SCOC: variants seen among roughly 807,000 people sequenced by gnomAD.
SCOC encodes the protein short coiled coil protein.
In SCOC, 7 loss-of-function variants were observed where a neutral mutation model predicts 9.9. The observed-to-expected ratio is 0.71, with a 90% confidence interval of 0.40 to 1.33. The LOEUF is 1.33. SCOC is among the 40% of genes most tolerant of loss of function. The pLI, the probability that SCOC is intolerant of heterozygous loss-of-function variation, is 0.01. For synonymous variants in SCOC, 19 were observed against 28.2 expected (o/e 0.67, Z 1.03); for missense variants, 66 against 89.7 (o/e 0.74, Z 1.07).
At chr4:140,376,568 T>C (rs986184895) in intron 1 of SCOC, 3 of 152,230 alleles carry the variant, frequency 2.0e-5, no homozygotes, top group Non-Finnish European at 2.9e-5. Context: ...GTGGCACTAC[T>C]TTTGTGCTCC....
intron 1 of SCOC, among the ~76,000 whole-genome samples, chr4:140,305,571 T>C (rs999011957): frequency 6.6e-6 from 1 of 152,194 alleles, no homozygotes; most frequent in South Asian, 2.1e-4. Flanking sequence ...TAAGCTCAGA[T>C]TGCACCTATA....
intron 1 of SCOC, chr4:140,314,594 A>C (rs1732256019): frequency 6.6e-6 from 1 of 152,156 alleles, no homozygotes; most frequent in African/African-American, 2.4e-5. Flanking sequence ...TTCTTTTGGG[A>C]TTCCAATGCT....
rs185781891 is a variant in SCOC at position 140,320,934 on chromosome 4, C to T, written c.-18-22687C>T. ...TCAGTTTCTGCTAAGACTGATGCTT[C>T]GTAAGAATATAAGAGGTCGCCCCTC... is the stretch of plus-strand genomic sequence containing the variant. On this transcript the variant is annotated intron_variant, in intron 1 of 4. Transcript: ENST00000394205. 4.5e-4 allele frequency among the ~76,000 whole-genome samples: 68 copies of T among 152,238 alleles called. No individual in the cohort carries two copies. In the East Asian group the frequency reaches 8.5e-3, roughly 19 times the overall value.
At chr4:140,374,498 C>T (rs1387094011) in intron 1 of SCOC, among the ~76,000 whole-genome samples, 1 of 152,164 alleles carries the variant, frequency 6.6e-6, no homozygotes. Flanking sequence ...AGTATAGCTT[C>T]CATTTAAATC....
At position 140,383,660 on chromosome 4, in the gene SCOC, T is replaced by C. The variant is rs1329393318; in HGVS notation, c.*2556T>C. On this transcript the variant is annotated 3_prime_UTR_variant, in exon 4 of 4. Coordinates refer to ENST00000608372, the MANE Select transcript of SCOC (RefSeq NM_001153484.2). ...TCCATGGCTACCTCAGAAGTAGAGA[T>C]TGGGTGTTCACTCCATGGGAATTGT... 2 of 152,172 alleles carry C rather than the reference T, an allele frequency of 1.3e-5. No individual in the cohort carries two copies. Among genetic ancestry groups the C allele is most frequent in the Non-Finnish European group, 2.9e-5 (2 of 68,038 alleles). The allele number at this position is 152,172 out of a possible 1,614,324, so 9.4% of individuals were successfully genotyped here.
chr4:140,366,420 T>C, intron 2 of SCOC: 3 of 1,358,794 alleles, frequency 2.2e-6, no homozygotes, highest in Non-Finnish European at 1.0e-6. Flanking sequence ...GCAGCAGCAG[T>C]AGCACGCTTC....
intron 1 of SCOC, among the ~76,000 whole-genome samples, chr4:140,337,216 T>C (rs1375495091): frequency 1.3e-5 from 2 of 152,206 alleles, no homozygotes; most frequent in African/African-American, 2.4e-5. Flanking sequence ...ATAATGTCTT[T>C]TGATGCACAA....
At chr4:140,375,668 A>G (rs1337891494) in intron 1 of SCOC, among the ~76,000 whole-genome samples, 4 of 152,230 alleles carry the variant, frequency 2.6e-5, no homozygotes, top group Non-Finnish European at 5.9e-5. Context: ...ATCTTGTCCC[A>G]ATGTTTGCCA....
chr4:140,347,478 C>T (rs564145407), intron 2 of SCOC, among the ~76,000 whole-genome samples: 4 of 152,280 alleles, frequency 2.6e-5, no homozygotes, highest in African/African-American at 4.8e-5. Context: ...TGCCACCGCA[C>T]GGCTCAGGTT....
intron 1 of SCOC, among the ~76,000 whole-genome samples, chr4:140,275,816 G>GTTTTTTTTT (rs199643449): frequency 7.5e-6 from 1 of 133,464 alleles, no homozygotes; most frequent in Non-Finnish European, 1.5e-5. Flanking sequence ...ACTCGCTCAG[G>GTTTTTTTTT]TTTGTTTTTT....
chr4:140,333,709 C>G (rs949420527), intron 1 of SCOC, among the ~76,000 whole-genome samples: 7 of 152,078 alleles, frequency 4.6e-5, no homozygotes, highest in African/African-American at 7.3e-5. Context: ...AGTGTTTACC[C>G]TGGAAGAACA....
upstream of SCOC, chr4:140,373,434 C>T: frequency 1.3e-6 from 2 of 1,522,280 alleles, no homozygotes; most frequent in Non-Finnish European, 1.8e-6. Context: ...CAGGTCCCGC[C>T]CACAGCGACC....
chr4:140,369,857 A>ATTTTTTTTT (rs540817613), upstream of SCOC, among the ~76,000 whole-genome samples: 1 of 31,376 alleles, frequency 3.2e-5, no homozygotes, highest in African/African-American at 8.9e-5. Context: ...CAGAAGGGGG[A>ATTTTTTTTT]TTTTTTTTTT....
At chr4:140,360,546 T>C (rs2126549748) in intron 2 of SCOC, 1 of 152,258 alleles carries the variant, frequency 6.6e-6, no homozygotes, top group African/African-American at 2.4e-5. Flanking sequence ...TGGGATGCGA[T>C]GAGGGGCAGA....
rs1213305922 is a variant in SCOC at position 140,363,709 on chromosome 4, A to AG, written c.71-15411dup. 2.0e-5 allele frequency among the ~76,000 whole-genome samples: 3 copies of AG among 152,342 alleles called. No homozygotes were observed. The East Asian group carries it at 5.8e-4, about 29-fold the overall frequency. On this transcript the variant is annotated intron_variant, in intron 2 of 4. Coordinates refer to the SCOC transcript ENST00000338517. The stretch of plus-strand genomic sequence containing the variant: ...TCCTGCTGCTATTGCTGTGAGCTTA[A>AG]GTGCTGTGAGTATCCACTTAAAATG...
intron 2 of SCOC, among the ~76,000 whole-genome samples, chr4:140,355,226 T>TATATATG (rs1553940416): frequency 1.9e-4 from 23 of 122,108 alleles, no homozygotes; most frequent in Admixed American, 1.2e-3. Context: ...TATATATATA[T>TATATATG]ATATATATAT....
At chr4:140,373,579 G>A (rs764915044), upstream of SCOC, 4 of 1,551,708 alleles carry the variant, frequency 2.6e-6, no homozygotes, top group Non-Finnish European at 2.6e-6. Flanking sequence ...GCGGGCGAGC[G>A]GCTGGGACGG....
intron 1 of SCOC, among the ~76,000 whole-genome samples, chr4:140,286,902 G>C (rs561175504): frequency 3.9e-5 from 6 of 152,126 alleles, no homozygotes; most frequent in Non-Finnish European, 8.8e-5. Flanking sequence ...GATACTAGCT[G>C]TTCCCCCAGA....
intron 1 of SCOC, among the ~76,000 whole-genome samples, chr4:140,306,479 C>T (rs762547383): frequency 6.6e-6 from 1 of 152,110 alleles, no homozygotes; most frequent in Non-Finnish European, 1.5e-5. Flanking sequence ...ATAGGGGAAT[C>T]AGCTACAAAT....
Sources: gnomAD v4.1 joint callset for allele counts (sites outside exome capture counted in the v4.1 genomes callset) on GRCh38, gnomAD v4.1.1 for gene constraint, MANE v1.5 for transcripts, NCBI Gene and HGNC (gene_info 2026-07-23, HGNC 2026-07-21) for gene names.